ANKMY2: variants seen among roughly 807,000 people sequenced by gnomAD.
ANKMY2 encodes the protein ankyrin repeat and MYND domain-containing protein 2.
In ANKMY2, 36 loss-of-function variants were observed where a neutral mutation model predicts 50.4. That is an observed-to-expected ratio of 0.71 (90% CI 0.55 to 0.94). ANKMY2 has a LOEUF of 0.94. Among genes scored for constraint, ANKMY2 ranks in the 40% least tolerant of loss-of-function variants. ANKMY2 has a pLI of 0.00. For synonymous variants in ANKMY2, 187 were observed against 178.8 expected (o/e 1.05, Z -0.36); for missense variants, 565 against 524.0 (o/e 1.08, Z -0.76).
rs989325517 is a variant in ANKMY2 at position 16,641,091 on chromosome 7, G to A, written c.67+4416C>T. On this transcript the variant is annotated intron_variant, in intron 1 of 9. Coordinates refer to ENST00000306999, the MANE Select transcript of ANKMY2 (RefSeq NM_020319.3). ...TCTACTAAAAAGACAAAAATTAGCC[G>A]GGCGCGGTGGTGCACGCCTGTAATC... Among the ~76,000 whole-genome samples, 6 of 151,938 alleles carry A rather than the reference G, an allele frequency of 3.9e-5. No individual in the cohort carries two copies. The East Asian group carries it at 5.8e-4, about 15-fold the overall frequency.
chr7:16,605,674 C>CTTT (rs11307797), intron 7 of ANKMY2, among the ~76,000 whole-genome samples: 6 of 59,626 alleles, frequency 1.0e-4, no homozygotes, highest in African/African-American at 1.4e-4. Flanking sequence ...ATTTTTTGTA[C>CTTT]TTTTTTTTTT....
rs115594911 is a variant in ANKMY2, at chr7:16,604,937, C to T, written c.883-88G>A. 1,130 of 1,286,884 alleles carry T rather than the reference C, an allele frequency of 8.8e-4. 11 individuals are homozygous for T. In the African/African-American group the frequency reaches 0.015, roughly 18 times the overall value. The allele number at this position is 1,286,884 out of a possible 1,614,324, so 79.7% of individuals were successfully genotyped here. On this transcript the variant is annotated intron_variant, in intron 7 of 9. Coordinates refer to ENST00000306999, the MANE Select transcript of ANKMY2 (RefSeq NM_020319.3). ...GTATCAGCCCACGGACACTGCCGTC[C>T]TACAATGTGACACAAAAAGGAAGAA...
At chr7:16,641,782 C>A (rs1310950367) in intron 1 of ANKMY2, among the ~76,000 whole-genome samples, 1 of 151,960 alleles carries the variant, frequency 6.6e-6, no homozygotes, top group Non-Finnish European at 1.5e-5. Context: ...TGAAAGAAGC[C>A]AGCCCCCCCT....
intron 4 of ANKMY2, among the ~76,000 whole-genome samples, chr7:16,622,874 T>A (rs913725227): frequency 1.3e-5 from 2 of 152,204 alleles, no homozygotes; most frequent in Non-Finnish European, 2.9e-5. Flanking sequence ...GTAAAAAATA[T>A]TCAAGTACTA....
At chr7:16,631,176 T>C (rs996477001) in intron 2 of ANKMY2, among the ~76,000 whole-genome samples, 2 of 151,684 alleles carry the variant, frequency 1.3e-5, no homozygotes, top group Admixed American at 6.6e-5. Context: ...GGTGATCCTA[T>C]TTGTTTCTCT....
At position 16,615,809 on chromosome 7, in the gene ANKMY2, G is replaced by T. The variant is rs765509397; in HGVS notation, c.466C>A (p.Leu156Met). ...KPQGLDKEPK[L>M]PPKLAGPLHK... ...AGCGGGCCTGCCAACTTTGGGGGCAGTTTTGGCTCTTTATCCAGTCCCTGG... is the reference window on the plus strand; with the variant it reads ...AGCGGGCCTGCCAACTTTGGGGGCATTTTTGGCTCTTTATCCAGTCCCTGG... Residue 156 changes from leucine to methionine, a missense_variant, in exon 5 of 10, where the codon CTG (leucine) becomes ATG (methionine). Leu to Met is a conservative substitution (Grantham distance 15, BLOSUM62 2). Coordinates refer to ENST00000306999, the MANE Select transcript of ANKMY2 (RefSeq NM_020319.3). 1.9e-6 allele frequency: 3 copies of T among 1,614,240 alleles called. No homozygotes were observed. Among genetic ancestry groups the T allele is most frequent in the Non-Finnish European group, 2.5e-6 (3 of 1,180,048 alleles).
chr7:16,617,055 C>T (rs1781365447), intron 4 of ANKMY2, among the ~76,000 whole-genome samples: 1 of 151,534 alleles, frequency 6.6e-6, no homozygotes, highest in Admixed American at 6.6e-5. Flanking sequence ...TGGTTGAATA[C>T]TTTTGATGAG....
chr7:16,610,780 T>C lies in ANKMY2; in HGVS notation c.532-17A>G, dbSNP rs747868796. 8.1e-6 allele frequency: 13 copies of C among 1,608,218 alleles called. No homozygotes were observed. The African/African-American group carries it at 1.2e-4, about 15-fold the overall frequency. On this transcript the variant is annotated splice_polypyrimidine_tract_variant and intron_variant, in intron 5 of 9. Coordinates refer to ENST00000306999, the MANE Select transcript of ANKMY2 (RefSeq NM_020319.3). ...CATCACGATCTAGAGGAAATCCCAG[T>C]GTACTCAGGTATTAAAGGAGACACT... is the stretch of plus-strand genomic sequence containing the variant.
rs531337300 is a variant in ANKMY2 at position 16,612,397 on chromosome 7, TAA to T, written c.532-1636_532-1635del. On this transcript the variant is annotated intron_variant, in intron 5 of 9. Transcript: ENST00000306999. ...TTTACAAAAATCCAGCACTTAATAATAAGTTATTAGACTTAATGAAGTAAGTA... is the reference window on the plus strand; with the variant it reads ...TTTACAAAAATCCAGCACTTAATAATGTTATTAGACTTAATGAAGTAAGTA... Among the ~76,000 whole-genome samples, 257 of 152,362 alleles carry T rather than the reference TAA, an allele frequency of 1.7e-3. 1 individual carries two copies. Among genetic ancestry groups the T allele is most frequent in the African/African-American group, 6.1e-3 (253 of 41,592 alleles).
intron 1 of ANKMY2, among the ~76,000 whole-genome samples, chr7:16,644,366 C>T (rs531859417): frequency 2.6e-5 from 4 of 152,176 alleles, no homozygotes; most frequent in Non-Finnish European, 4.4e-5. Flanking sequence ...GAGATCAGAT[C>T]GGGTGGGCTC....
intron 3 of ANKMY2, among the ~76,000 whole-genome samples, chr7:16,626,528 A>T (rs1781509010): frequency 6.6e-6 from 1 of 152,208 alleles, no homozygotes; most frequent in African/African-American, 2.4e-5. Context: ...TTTTTCAAAG[A>T]GCTGCACCAA....
At chr7:16,642,681 T>G (rs1398549025) in intron 1 of ANKMY2, among the ~76,000 whole-genome samples, 1 of 152,032 alleles carries the variant, frequency 6.6e-6, no homozygotes, top group African/African-American at 2.4e-5. Context: ...TTCACCCACT[T>G]TAAAAAAAAT....
chr7:16,610,808 T>C, intron 5 of ANKMY2, 45 bp from the exon 6 acceptor site: 3 of 1,534,778 alleles, frequency 2.0e-6, no homozygotes, highest in Non-Finnish European at 2.7e-6. Context: ...GAGACACTTG[T>C]TCATGTACAA....
chr7:16,616,264 C>T (rs1318423409), intron 4 of ANKMY2, among the ~76,000 whole-genome samples: 2 of 152,094 alleles, frequency 1.3e-5, no homozygotes, highest in African/African-American at 4.8e-5. Flanking sequence ...GCTCATGTTT[C>T]CCTAATCACA....
chr7:16,604,388 T>C (rs1781119442), intron 8 of ANKMY2, among the ~76,000 whole-genome samples: 1 of 152,202 alleles, frequency 6.6e-6, no homozygotes, highest in African/African-American at 2.4e-5. Flanking sequence ...CTATTCTAGG[T>C]TTCACATCTG....
At chr7:16,638,959 C>T (rs1464831037) in intron 1 of ANKMY2, among the ~76,000 whole-genome samples, 3 of 152,148 alleles carry the variant, frequency 2.0e-5, no homozygotes, top group African/African-American at 7.2e-5. Context: ...TACATGTACA[C>T]GTACCCACAA....
At chr7:16,602,559 AT>A (rs1457507812) in intron 8 of ANKMY2, 50 bp from the exon 9 acceptor site, 4 of 1,580,724 alleles carry the variant, frequency 2.5e-6, no homozygotes, top group African/African-American at 2.7e-5. Flanking sequence ...GGGTTGTATG[AT>A]TTCCTAACTA....
At chr7:16,640,958 T>G (rs1781736827) in intron 1 of ANKMY2, among the ~76,000 whole-genome samples, 1 of 152,196 alleles carries the variant, frequency 6.6e-6, no homozygotes, top group South Asian at 2.1e-4. Context: ...TAAAATCATG[T>G]AAAAATGTTT....
chr7:16,610,892 T>A (rs1239233091), intron 5 of ANKMY2, 129 bp from the exon 6 acceptor site: 1 of 791,546 alleles, frequency 1.3e-6, no homozygotes, highest in African/African-American at 1.7e-5. Context: ...AGTTATTATG[T>A]TATTTGTTAG....
Sources: allele counts gnomAD v4.1 joint callset (sites outside exome capture counted in the v4.1 genomes callset), GRCh38; gene constraint gnomAD v4.1.1; transcripts MANE v1.5; gene names NCBI Gene and HGNC (gene_info 2026-07-23, HGNC 2026-07-21).